TANC1: variants seen among roughly 807,000 people sequenced by gnomAD.
TANC1 encodes the protein protein TANC1.
TANC1 carries 77 observed loss-of-function variants against 149.7 expected under a neutral mutation model. The ratio of observed to expected loss-of-function variants is 0.51; its 90% CI spans 0.43 to 0.62. The LOEUF is 0.62. Ranked by LOEUF, TANC1 falls within the 20% of genes least tolerant of loss-of-function variation. TANC1 has a pLI of 0.00. For synonymous variants in TANC1, 854 were observed against 925.0 expected (o/e 0.92, Z 1.39); for missense variants, 1,985 against 2,321.8 (o/e 0.85, Z 2.98).
intron 4 of TANC1, among the ~76,000 whole-genome samples, chr2:159,123,910 A>C (rs986794617): frequency 2.6e-5 from 4 of 152,122 alleles, no homozygotes; most frequent in Admixed American, 6.6e-5. Context: ...CCTCAGGTAC[A>C]GCTCAATCGC....
In TANC1 at chr2:158,989,701, C is replaced by T. The variant is rs147997588; in HGVS notation, c.-125-11379C>T. On this transcript the variant is annotated intron_variant, in intron 1 of 26. Transcript: ENST00000263635. ...TTTGACTGACTTTTTGGGAGACTGT[C>T]GTGCCCTTAGAGTATCCATAATAAT... Among the ~76,000 whole-genome samples the T allele has an allele frequency of 4.0e-5, 6 of 151,488 alleles. No individual in the cohort carries two copies. The East Asian group carries it at 9.7e-4, about 24-fold the overall frequency.
intron 13 of TANC1, among the ~76,000 whole-genome samples, chr2:159,177,244 G>C: frequency 6.6e-6 from 1 of 152,024 alleles, no homozygotes; most frequent in East Asian, 1.9e-4. Flanking sequence ...ATTCCCAGAG[G>C]TCTATTTTTT....
At chr2:159,080,011 T>G (rs978046296) in intron 3 of TANC1, among the ~76,000 whole-genome samples, 2 of 152,214 alleles carry the variant, frequency 1.3e-5, no homozygotes, top group African/African-American at 2.4e-5. Flanking sequence ...GGAAATTCCC[T>G]AAAAACATAG....
At chr2:158,979,804 ATTAAG>A (rs1028009619) in intron 1 of TANC1, among the ~76,000 whole-genome samples, 32 of 152,364 alleles carry the variant, frequency 2.1e-4, no homozygotes, top group African/African-American at 6.5e-4. Context: ...GTTTGAATAA[ATTAAG>A]TTAATTCCAT....
rs377190398 is a variant in TANC1, at chr2:159,174,919, G to A, written c.1504-34G>A. On this transcript the variant is annotated intron_variant, in intron 11 of 26. Coordinates refer to ENST00000263635, the MANE Select transcript of TANC1 (RefSeq NM_033394.3). ...TTGCAGAAGGAGCTGTGTGAAGAGG[G>A]TGAGGTGATGCTGACGGTTCTGCTT... is the stretch of plus-strand genomic sequence containing the variant. 1.5e-4 allele frequency: 228 copies of A among 1,533,256 alleles called. 1 individual carries two copies. The highest frequency in any genetic ancestry group is 1.4e-4 in the Non-Finnish European group (151 of 1,108,224). 95.0% of individuals were successfully genotyped at this position (1,533,256 alleles called of 1,614,324 possible).
intron 2 of TANC1, among the ~76,000 whole-genome samples, chr2:159,007,071 A>G (rs1170836825): frequency 2.0e-5 from 3 of 151,560 alleles, no homozygotes; most frequent in South Asian, 2.1e-4. Context: ...CACATATACA[A>G]TGGTGGTCCC....
At chr2:158,981,111 C>T (rs1172899435) in intron 1 of TANC1, among the ~76,000 whole-genome samples, 6 of 151,916 alleles carry the variant, frequency 3.9e-5, no homozygotes. Flanking sequence ...CTAAGATTCC[C>T]CTCTGCACTT....
At chr2:159,009,409 A>G (rs765021914) in intron 2 of TANC1, among the ~76,000 whole-genome samples, 5 of 152,240 alleles carry the variant, frequency 3.3e-5, no homozygotes, top group Non-Finnish European at 7.3e-5. Flanking sequence ...ATGGAATACT[A>G]TTTAGCCATA....
chr2:159,123,445 G>T (rs1187055369), intron 4 of TANC1, among the ~76,000 whole-genome samples: 3 of 152,008 alleles, frequency 2.0e-5, no homozygotes, highest in African/African-American at 4.8e-5. Context: ...TCTAATCAGT[G>T]GAAGCTTTCA....
chr2:158,975,988 C>G (rs565024330), intron 1 of TANC1, among the ~76,000 whole-genome samples: 1 of 151,470 alleles, frequency 6.6e-6, no homozygotes, highest in Non-Finnish European at 1.5e-5. Context: ...TGTGCACCAC[C>G]ACACCTGGCT....
chr2:159,092,287 T>C (rs927274853), intron 3 of TANC1, among the ~76,000 whole-genome samples: 3 of 152,204 alleles, frequency 2.0e-5, no homozygotes, highest in Admixed American at 6.5e-5. Context: ...TCCTGAAATA[T>C]GCTTTTACTT....
chr2:159,068,340 A>G (rs1406593718), intron 3 of TANC1, among the ~76,000 whole-genome samples: 2 of 152,220 alleles, frequency 1.3e-5, no homozygotes, highest in Non-Finnish European at 2.9e-5. Flanking sequence ...ATTTTGCTGT[A>G]CTGTTTCCAA....
In TANC1 at chr2:159,225,693, G is replaced by A. The variant is rs908691835; in HGVS notation, c.3817G>A (p.Ala1273Thr). The A allele has an allele frequency of 6.2e-6, 10 of 1,613,894 alleles. No homozygotes were observed. Among genetic ancestry groups the A allele is most frequent in the Non-Finnish European group, 8.5e-6 (10 of 1,179,736 alleles). ...LLRKGAKLGN[A>T]AWAMATSKPD... is the part of the protein sequence containing the mutation. Reference sequence around the variant, plus strand: ...AATGCGTGTTTGTTTTGCAGGAAATGCTGCTTGGGCGATGGCCACTTCCAA... The same window carrying A: ...AATGCGTGTTTGTTTTGCAGGAAATACTGCTTGGGCGATGGCCACTTCCAA... Residue 1273 changes from alanine (A) to threonine (T), a missense_variant, in exon 24 of 27, where the codon GCT becomes ACT. By Grantham distance (58) the Ala-to-Thr change is moderately conservative. This residue lies in a region of TANC1 where 920 missense variants were observed against 994.7 expected (regional missense o/e 0.92). Transcript: ENST00000263635.
intron 19 of TANC1, among the ~76,000 whole-genome samples, chr2:159,209,934 TC>T: frequency 6.6e-6 from 1 of 152,310 alleles, no homozygotes; most frequent in South Asian, 2.1e-4. Context: ...TTTTTCATTT[TC>T]CACTCATTTT....
intron 3 of TANC1, among the ~76,000 whole-genome samples, chr2:159,095,980 G>A (rs1261810496): frequency 6.6e-6 from 1 of 150,404 alleles, no homozygotes; most frequent in African/African-American, 2.5e-5. Context: ...TTTAAAATCT[G>A]GTCTTTGATT....
intron 3 of TANC1, among the ~76,000 whole-genome samples, chr2:159,094,955 T>G (rs1401988913): frequency 2.0e-5 from 3 of 151,390 alleles, no homozygotes; most frequent in Non-Finnish European, 2.9e-5. Context: ...TGTTTTTTGT[T>G]TTTTTTTTGA....
At chr2:159,086,962 G>A (rs1002539584) in intron 3 of TANC1, among the ~76,000 whole-genome samples, 7 of 150,268 alleles carry the variant, frequency 4.7e-5, no homozygotes, top group Admixed American at 3.3e-4. Flanking sequence ...GTGGTGTTCC[G>A]TGCTACTCTG....
At chr2:159,203,971 T>C (rs908454398) in intron 19 of TANC1, among the ~76,000 whole-genome samples, 3 of 152,240 alleles carry the variant, frequency 2.0e-5, no homozygotes, top group Admixed American at 6.5e-5. Context: ...AATAGAACTT[T>C]CCGTAATAAT....
chr2:159,020,526 C>CT (rs1308292430), intron 2 of TANC1, among the ~76,000 whole-genome samples: 5 of 151,522 alleles, frequency 3.3e-5, no homozygotes, highest in African/African-American at 7.3e-5. Flanking sequence ...ACCTAAACTT[C>CT]TTTTTTTTCA....
Sources: gnomAD v4.1 joint callset for allele counts (sites outside exome capture counted in the v4.1 genomes callset) on GRCh38, gnomAD v4.1.1 for gene constraint, gnomAD v4.1.1 regional missense constraint, MANE v1.5 for transcripts, NCBI Gene and HGNC (gene_info 2026-07-23, HGNC 2026-07-21) for gene names.